Variants in ENPP6 observed in about 807,000 individuals in gnomAD.
ENPP6 encodes the protein glycerophosphocholine cholinephosphodiesterase ENPP6.
In ENPP6, 32 loss-of-function variants were observed where a neutral mutation model predicts 42.0. The observed-to-expected ratio is 0.76, with a 90% CI of 0.58 to 1.02. The LOEUF (loss-of-function observed/expected upper bound fraction) is 1.02, where lower values mean the gene tolerates loss of function less well. Ranked by LOEUF, ENPP6 falls within the 50% of genes least tolerant of loss-of-function variation. The pLI is 0.00. For synonymous variants in ENPP6, 213 were observed against 216.0 expected, an observed-to-expected ratio of 0.99 and a Z score of 0.12; for missense variants, 552 against 566.8, an observed-to-expected ratio of 0.97 and a Z score of 0.27.
chr4:184,183,336 G>A (rs1167426019), intron 1 of ENPP6, among the ~76,000 whole-genome samples: 1 of 152,196 alleles, frequency 6.6e-6, no homozygotes, highest in Non-Finnish European at 1.5e-5. Flanking sequence ...CACCGCTGAT[G>A]GAGTAGGTTA....
chr4:184,187,032 A>G (rs1327866397), intron 1 of ENPP6, among the ~76,000 whole-genome samples: 1 of 152,164 alleles, frequency 6.6e-6, no homozygotes, highest in African/African-American at 2.4e-5. Context: ...TAAACATAAG[A>G]GAAATGTGTT....
At chr4:184,131,058 G>C (rs1013773216) in intron 2 of ENPP6, among the ~76,000 whole-genome samples, 4 of 152,082 alleles carry the variant, frequency 2.6e-5, no homozygotes, top group African/African-American at 9.7e-5. Context: ...GCTCGATTTG[G>C]GGAACGTATA....
intron 2 of ENPP6, among the ~76,000 whole-genome samples, chr4:184,148,985 A>C (rs1201249919): frequency 1.3e-5 from 2 of 152,228 alleles, no homozygotes; most frequent in Non-Finnish European, 2.9e-5. Context: ...TTGACTAATG[A>C]GGGCAGGAAC....
chr4:184,111,362 T>A (rs1029464964), intron 6 of ENPP6, among the ~76,000 whole-genome samples: 1 of 152,260 alleles, frequency 6.6e-6, no homozygotes, highest in Non-Finnish European at 1.5e-5. Context: ...TGGTGTGATC[T>A]GGAAGGCTGG....
At chr4:184,192,246 T>C (rs1390747807) in intron 1 of ENPP6, among the ~76,000 whole-genome samples, 5 of 152,220 alleles carry the variant, frequency 3.3e-5, no homozygotes, top group Non-Finnish European at 5.9e-5. Flanking sequence ...GTGGCAATCA[T>C]GATAGTCTGA....
chr4:184,155,138 G>A lies in ENPP6; in HGVS notation c.242-1405C>T, dbSNP rs577757972. Among the ~76,000 whole-genome samples the A allele has an allele frequency of 4.5e-4, 69 of 152,274 alleles. 1 individual carries two copies. The highest frequency in any genetic ancestry group is 1.6e-3 in the African/African-American group (66 of 41,546). ...AGTTATGATGACCCTCGCTCACCCTGTTGCAGAGGATAATTCCTAGTATGT... is the reference window on the plus strand; with the variant it reads ...AGTTATGATGACCCTCGCTCACCCTATTGCAGAGGATAATTCCTAGTATGT... On this transcript the variant is annotated intron_variant, in intron 1 of 7. Coordinates refer to ENST00000296741, the MANE Select transcript of ENPP6 (RefSeq NM_153343.4).
In ENPP6 at chr4:184,185,273, G is replaced by A. The variant is rs139883039; in HGVS notation, c.242-31540C>T. Among the ~76,000 whole-genome samples, 16 of 152,232 alleles carry A rather than the reference G, an allele frequency of 1.1e-4. No individual in the cohort carries two copies. The East Asian group carries it at 1.5e-3, about 15-fold the overall frequency. ...TGTCATGATTCTTACCTCCTCTTGC[G>A]TTCTGAAAAGCATCCTGATTTGCAT... On this transcript the variant is annotated intron_variant, in intron 1 of 7. Transcript: ENST00000296741.
rs146615353 is a variant in ENPP6, at chr4:184,141,897, C to G, written c.421+11657G>C. The stretch of plus-strand genomic sequence containing the variant: ...TGGCTTGGACCAAAAATTGTCAACA[C>G]AAATATGCAAATCTGTAACGTCTAC... On this transcript the variant is annotated intron_variant, in intron 2 of 7. Coordinates refer to ENST00000296741, the MANE Select transcript of ENPP6 (RefSeq NM_153343.4). Among the ~76,000 whole-genome samples, 845 of 152,280 alleles carry G rather than the reference C, an allele frequency of 5.5e-3. 14 individuals are homozygous for G. The highest frequency in any genetic ancestry group is 0.02 in the African/African-American group (811 of 41,536).
At chr4:184,119,449 A>G (rs969789028) in intron 3 of ENPP6, among the ~76,000 whole-genome samples, 3 of 152,000 alleles carry the variant, frequency 2.0e-5, no homozygotes, top group African/African-American at 7.3e-5. Context: ...CATATTCCTC[A>G]TACCCAGATG....
intron 2 of ENPP6, among the ~76,000 whole-genome samples, chr4:184,125,219 C>A (rs564669473): frequency 3.3e-5 from 5 of 152,128 alleles, no homozygotes; most frequent in Admixed American, 1.3e-4. Flanking sequence ...TCAGGCATCA[C>A]TTCCTCCTGA....
At chr4:184,120,882 C>A (rs1177909966) in intron 3 of ENPP6, among the ~76,000 whole-genome samples, 1 of 152,198 alleles carries the variant, frequency 6.6e-6, no homozygotes, top group Non-Finnish European at 1.5e-5. Flanking sequence ...TGGCAGAGAT[C>A]AGGGTAGAGG....
chr4:184,160,535 T>G (rs1249013487), intron 1 of ENPP6, among the ~76,000 whole-genome samples: 4 of 152,158 alleles, frequency 2.6e-5, no homozygotes, highest in Admixed American at 2.6e-4. Flanking sequence ...GTAATTCAGT[T>G]TTGCGCATAT....
intron 1 of ENPP6, among the ~76,000 whole-genome samples, chr4:184,202,395 A>T (rs1253159014): frequency 6.6e-6 from 1 of 152,168 alleles, no homozygotes; most frequent in Admixed American, 6.5e-5. Context: ...AGCCCATCAT[A>T]AAGGATAGAT....
At chr4:184,099,387 C>T (rs996746137) in intron 6 of ENPP6, among the ~76,000 whole-genome samples, 3 of 152,350 alleles carry the variant, frequency 2.0e-5, no homozygotes, top group African/African-American at 7.2e-5. Flanking sequence ...TGTTTCACTT[C>T]TCTGAGCTGC....
chr4:184,202,823 C>T (rs763214799), intron 1 of ENPP6, among the ~76,000 whole-genome samples: 3 of 152,168 alleles, frequency 2.0e-5, no homozygotes, highest in Non-Finnish European at 4.4e-5. Context: ...ATAACTCAGC[C>T]TCACCTTACT....
intron 2 of ENPP6, among the ~76,000 whole-genome samples, chr4:184,126,401 G>C (rs966497767): frequency 6.6e-6 from 1 of 152,166 alleles, no homozygotes; most frequent in Non-Finnish European, 1.5e-5. Context: ...AAGTGGAGCT[G>C]TTGTTATAGT....
chr4:184,091,756 A>G (rs964818962), intron 7 of ENPP6, among the ~76,000 whole-genome samples: 5 of 152,142 alleles, frequency 3.3e-5, no homozygotes, highest in African/African-American at 1.2e-4. Flanking sequence ...AAAATTTTTT[A>G]AACCAGGCAT....
intron 1 of ENPP6, among the ~76,000 whole-genome samples, chr4:184,194,169 G>C (rs17075431): frequency 6.6e-6 from 1 of 152,064 alleles, no homozygotes; most frequent in East Asian, 1.9e-4. Flanking sequence ...CAGCATCTCC[G>C]GGCCTTCGCG....
chr4:184,215,834 C>G (rs1463619347), intron 1 of ENPP6, among the ~76,000 whole-genome samples: 1 of 152,192 alleles, frequency 6.6e-6, no homozygotes, highest in Non-Finnish European at 1.5e-5. Context: ...AGGGGCCCTT[C>G]TCTCAGGACA....
Sources: allele counts gnomAD v4.1 joint callset (sites outside exome capture counted in the v4.1 genomes callset), GRCh38; gene constraint gnomAD v4.1.1; transcripts MANE v1.5; gene names NCBI Gene and HGNC (gene_info 2026-07-23, HGNC 2026-07-21).